EVC: variants seen among roughly 807,000 people sequenced by gnomAD.
EVC encodes EvC ciliary complex subunit 1.
EVC carries 116 observed loss-of-function variants against 118.9 expected under a neutral mutation model. The ratio of observed to expected loss-of-function variants is 0.98; its 90% CI spans 0.84 to 1.14. The LOEUF (loss-of-function observed/expected upper bound fraction) is 1.14. Ranked by LOEUF, EVC falls within the 50% of genes most tolerant of loss-of-function variation. The probability of loss-of-function intolerance (pLI) is 0.00; values close to 1 mark genes in which losing one functional copy is unlikely to be tolerated. For missense variants in EVC, 1,401 were observed against 1,246.4 expected (o/e 1.12, Z -1.87); for synonymous variants, 619 against 534.7 (o/e 1.16, Z -2.18).
chr4:5,748,054 A>G (rs1414526769), intron 7 of EVC, 94 bp from the exon 8 acceptor site: 10 of 1,321,892 alleles, frequency 7.6e-6, no homozygotes, highest in African/African-American at 4.3e-5. Flanking sequence ...TTTGTTTGTG[A>G]TAGGGAGTGA....
At chr4:5,807,968 G>A (rs1028171051) in intron 17 of EVC, among the ~76,000 whole-genome samples, 21 of 152,192 alleles carry the variant, frequency 1.4e-4, no homozygotes, top group Admixed American at 4.6e-4. Flanking sequence ...CATGCAAAGT[G>A]TGTGGGCAGG....
chr4:5,730,134 G>A (rs112635433), intron 3 of EVC, among the ~76,000 whole-genome samples: 12,993 of 152,184 alleles, frequency 0.085, 623 homozygotes, highest in Middle Eastern at 0.13. Flanking sequence ...GACTTCTCCT[G>A]CCTCAGTCTG....
chr4:5,820,775 T>C, the EVC span: 1 of 151,956 alleles, frequency 6.6e-6, no homozygotes. Context: ...GAAAGTGCCC[T>C]AGTCAGGTCA....
At chr4:5,714,206 T>C (rs965268120) in intron 1 of EVC, among the ~76,000 whole-genome samples, 1 of 152,256 alleles carries the variant, frequency 6.6e-6, no homozygotes, top group African/African-American at 2.4e-5. Flanking sequence ...TTCCCTGCTT[T>C]GTAGGCACTG....
chr4:5,801,355 C>G (rs1714934669), intron 15 of EVC, among the ~76,000 whole-genome samples: 2 of 152,158 alleles, frequency 1.3e-5, no homozygotes, highest in Admixed American at 1.3e-4. Context: ...CAGTCTTTCA[C>G]CTGCTGGTCC....
rs1482030273 is a variant in EVC, at chr4:5,755,420, G to A, written c.1465-844G>A. Among the ~76,000 whole-genome samples, 3 of 139,712 alleles carry A rather than the reference G, an allele frequency of 2.1e-5. No individual in the cohort carries two copies. The highest frequency in any genetic ancestry group is 7.1e-5 in the Admixed American group (1 of 14,028). 91.7% of individuals were successfully genotyped at this position (139,712 alleles called of 152,430 possible). A position where few individuals can be genotyped will look rare whatever the true frequency, so the allele number is the denominator to read the frequency against. On this transcript the variant is annotated intron_variant, in intron 10 of 20. Transcript: ENST00000264956. This position sits in a 1 kb window ranked among gnomAD's most constrained non-coding sequence, Gnocchi z 4.1. The stretch of plus-strand genomic sequence containing the variant: ...CCAGGACATGGACAAATGGGCAAAC[G>A]AGCGAATGAAGGAGGATGGAATGGG...
intron 17 of EVC, 29 bp downstream of exon 17, chr4:5,804,870 G>A (rs1370296640): frequency 1.3e-6 from 2 of 1,568,702 alleles, no homozygotes; most frequent in South Asian, 1.1e-5. Flanking sequence ...TCCCACGTAG[G>A]GCTGTTCTCT....
chr4:5,713,894 ACTC>A (rs1273210387), intron 1 of EVC, among the ~76,000 whole-genome samples: 10 of 151,298 alleles, frequency 6.6e-5, no homozygotes, highest in African/African-American at 2.4e-4. Flanking sequence ...CAAGAATGAA[ACTC>A]CATCTAAAAA....
rs773917688 is a variant in EVC at position 5,810,933 on chromosome 4, CCTTT to C, written c.2895-16_2895-13del. 216 of 1,606,356 alleles carry C rather than the reference CCTTT, an allele frequency of 1.3e-4. No individual in the cohort carries two copies. In the African/African-American group the frequency reaches 2.4e-3, roughly 18 times the overall value. ...ATGGAGTCAGCGTTCTAACTGGCTG[CCTTT>C]CTTCTCTGTTTTAAGCAGCAAAAGG... On this transcript the variant is annotated splice_polypyrimidine_tract_variant and intron_variant, in intron 20 of 20. Coordinates refer to ENST00000264956, the MANE Select transcript of EVC (RefSeq NM_153717.3).
chr4:5,769,046 T>TA (rs1410012581), intron 11 of EVC, among the ~76,000 whole-genome samples: 1 of 152,068 alleles, frequency 6.6e-6, no homozygotes, highest in African/African-American at 2.4e-5. Context: ...GGCTGTGAGA[T>TA]ACATTTGATG....
Position 5,719,303 on chromosome 4 carries a change from C to A in EVC, c.230C>A (p.Ser77Ter). The A allele has an allele frequency of 6.2e-7, 1 of 1,614,166 alleles. No homozygotes were observed. Among genetic ancestry groups the A allele is most frequent in the African/African-American group, 1.3e-5 (1 of 75,042 alleles). The change falls in exon 2 of 21, where the codon TCG becomes TAG. Residue 77 changes from serine (S) to a stop codon, truncating the protein, a stop_gained. Transcript: ENST00000264956. LOFTEE classifies it high-confidence loss of function. The surrounding 1 kb of genome is among the most constrained non-coding windows in gnomAD (Gnocchi z 4.7). ...TTGGAGTCTAATGCGCAGACCCCCT[C>A]GGAAACTGGCTCCCCATCAAGGAGG... ...KNLESNAQTP[S>*]ETGSPSRRRK...
At chr4:5,824,769 G>C in the EVC span, 1 of 984,270 alleles carries the variant, frequency 1.0e-6, no homozygotes, top group Non-Finnish European at 1.2e-6. Flanking sequence ...CCAGCACGGT[G>C]TGCAACCCAT....
chr4:5,729,193 G>T, intron 2 of EVC, 114 bp from the exon 3 acceptor site: 1 of 912,408 alleles, frequency 1.1e-6, no homozygotes, highest in East Asian at 2.4e-5. Context: ...TGCCTATCAT[G>T]GTCCCTTTCT....
chr4:5,804,359 A>G (rs937086977), intron 16 of EVC, among the ~76,000 whole-genome samples: 1 of 152,172 alleles, frequency 6.6e-6, no homozygotes, highest in Admixed American at 6.6e-5. Flanking sequence ...CTCCTTGGAG[A>G]GCACCCACTT....
Position 5,756,491 on chromosome 4 carries a change from C to G in EVC, c.1563+129C>G. ...ACCCCGCACTCATTGGCCGGTGATCCACGCAGGCTGTGTCCCCTCCATGCG... is the reference window on the plus strand; with the variant it reads ...ACCCCGCACTCATTGGCCGGTGATCGACGCAGGCTGTGTCCCCTCCATGCG... On this transcript the variant is annotated intron_variant, in intron 11 of 20. Coordinates refer to ENST00000264956, the MANE Select transcript of EVC (RefSeq NM_153717.3). This position sits in a 1 kb window ranked among gnomAD's most constrained non-coding sequence, Gnocchi z 4.2. 1.3e-6 allele frequency: 1 copy of G among 765,512 alleles called. No individual in the cohort carries two copies. Among genetic ancestry groups the G allele is most frequent in the East Asian group, 2.7e-5 (1 of 37,222 alleles). 47.4% of individuals were successfully genotyped at this position (765,512 alleles called of 1,614,324 possible).
chr4:5,822,051 C>T, the EVC span, among the ~76,000 whole-genome samples: 11,819 of 140,240 alleles, frequency 0.084, 717 homozygotes, highest in African/African-American at 0.2. Context: ...CCCTGGGCTC[C>T]CCCCACCTTC....
At chr4:5,795,089 T>G (rs1023708513) in intron 13 of EVC, among the ~76,000 whole-genome samples, 4 of 152,228 alleles carry the variant, frequency 2.6e-5, no homozygotes, top group Admixed American at 2.6e-4. Context: ...GACTGCATAG[T>G]ATTCCATGGT....
intron 5 of EVC, among the ~76,000 whole-genome samples, chr4:5,741,027 G>A (rs540318921): frequency 4.0e-4 from 61 of 152,300 alleles, no homozygotes; most frequent in African/African-American, 1.2e-3. Context: ...ACTGGAAAAC[G>A]TTTTGGCAAT....
At chr4:5,805,396 G>A (rs1715701888) in intron 17 of EVC, among the ~76,000 whole-genome samples, 1 of 152,200 alleles carries the variant, frequency 6.6e-6, no homozygotes, top group Non-Finnish European at 1.5e-5. Flanking sequence ...CCTGAGCGAA[G>A]GGGCCCGCCG....
Sources: allele counts gnomAD v4.1 joint callset (sites outside exome capture counted in the v4.1 genomes callset), GRCh38; gene constraint gnomAD v4.1.1; non-coding constraint Gnocchi (gnomAD v3.1); transcripts MANE v1.5; gene names NCBI Gene and HGNC (gene_info 2026-07-23, HGNC 2026-07-21).